Variants in EFHC2 observed in about 807,000 individuals in gnomAD.
EFHC2 encodes the protein EF-hand domain containing 2.
A neutral mutation model predicts 52.7 loss-of-function variants in EFHC2; 18 were observed. That is an observed-to-expected ratio of 0.34 (90% confidence interval 0.24 to 0.51). The LOEUF is 0.51. Ranked by LOEUF, EFHC2 falls within the 20% of genes least tolerant of loss-of-function variation. EFHC2 has a pLI of 0.97. For synonymous variants in EFHC2, 203 were observed against 204.1 expected (o/e 0.99, Z 0.04); for missense variants, 513 against 562.5 (o/e 0.91, Z 0.89).
chrX:44,320,086 G>A (rs1157910082), intron 1 of EFHC2, among the ~76,000 whole-genome samples: 1 of 111,437 alleles, frequency 9.0e-6, no homozygotes, highest in African/African-American at 3.3e-5. Flanking sequence ...GGGATTACAG[G>A]TGCATACCAC....
At chrX:44,272,382 G>A (rs756890934) in intron 3 of EFHC2, among the ~76,000 whole-genome samples, 3 of 111,921 alleles carry the variant, frequency 2.7e-5, no homozygotes, top group African/African-American at 6.5e-5. Context: ...ACGGCAAGGC[G>A]ACCAAAGGGT....
At chrX:44,285,254 A>T (rs1055911706) in intron 2 of EFHC2, 1 of 112,004 alleles carries the variant, frequency 8.9e-6, no homozygotes, top group African/African-American at 3.2e-5. Context: ...CTCCGAAAAC[A>T]CATCCAGAGA....
In EFHC2 at chrX:44,303,068, TG is replaced by T. The variant is rs754114570; in HGVS notation, c.231+9499del. On this transcript the variant is annotated intron_variant, in intron 2 of 14. Coordinates refer to ENST00000420999, the MANE Select transcript of EFHC2 (RefSeq NM_025184.4). ...GAAAATTAAAAATTCTAGCTAGTAC[TG>T]GGTAAGAAAGAGAAAAGTAGCCCCT... 4.4e-3 allele frequency among the ~76,000 whole-genome samples: 489 copies of T among 111,467 alleles called. 2 individuals are homozygous for T. The highest frequency in any genetic ancestry group is 7.0e-3 in the Non-Finnish European group (374 of 53,067).
In EFHC2 at chrX:44,148,739, TA is replaced by T. The variant is rs1036098081; in HGVS notation, c.*55del. 3 of 988,529 alleles carry T rather than the reference TA, an allele frequency of 3.0e-6. No individual in the cohort carries two copies. The African/African-American group carries it at 5.9e-5, about 19-fold the overall frequency. The allele number at this position is 988,529 out of a possible 1,213,427, so 81.5% of individuals were successfully genotyped here. ...TTTAATGAAATTATATCTACTAAAG[TA>T]AATGTGGCAAAATGAGAGAAGTAAA... On this transcript the variant is annotated 3_prime_UTR_variant, in exon 15 of 15. Coordinates refer to ENST00000420999, the MANE Select transcript of EFHC2 (RefSeq NM_025184.4).
intron 1 of EFHC2, among the ~76,000 whole-genome samples, chrX:44,332,368 C>G (rs1186441701): frequency 9.0e-6 from 1 of 110,734 alleles, no homozygotes; most frequent in Non-Finnish European, 1.9e-5. Context: ...TTGACCATTC[C>G]CTCCTTTGGG....
At chrX:44,222,632 T>C (rs969585937) in intron 11 of EFHC2, among the ~76,000 whole-genome samples, 2 of 111,707 alleles carry the variant, frequency 1.8e-5, no homozygotes, top group African/African-American at 6.5e-5. Flanking sequence ...GTAGGTGCTT[T>C]GTCCCTGTTG....
chrX:44,157,580 C>A (rs1428974050), intron 14 of EFHC2, among the ~76,000 whole-genome samples: 1 of 110,503 alleles, frequency 9.0e-6, no homozygotes, highest in Admixed American at 9.7e-5. Flanking sequence ...TCCCTTCATC[C>A]TGTTCCCTCC....
chrX:44,164,065 TGCAGAATTC>T (rs1232505103), intron 13 of EFHC2, 38 bp from the exon 14 acceptor site: 1 of 919,567 alleles, frequency 1.1e-6, no homozygotes, highest in African/African-American at 2.0e-5. Flanking sequence ...TGACTCAATC[TGCAGAATTC>T]AAGACCAAAA....
At chrX:44,183,917 A>T (rs904549453) in intron 11 of EFHC2, among the ~76,000 whole-genome samples, 11 of 112,558 alleles carry the variant, frequency 9.8e-5, no homozygotes, top group Non-Finnish European at 1.9e-4. Context: ...ATTGACTTGT[A>T]TTAAAATTCT....
intron 14 of EFHC2, among the ~76,000 whole-genome samples, 198 bp from the exon 15 acceptor site, chrX:44,149,094 CAT>C (rs1480534640): frequency 2.9e-4 from 32 of 112,231 alleles, no homozygotes; most frequent in Non-Finnish European, 5.8e-4. Flanking sequence ...CACTCTTTGT[CAT>C]ATGACTCTGT....
chrX:44,279,992 GCCC>G (rs1414014457), intron 2 of EFHC2, among the ~76,000 whole-genome samples: 2 of 97,975 alleles, frequency 2.0e-5, no homozygotes, highest in Non-Finnish European at 4.0e-5. Flanking sequence ...TCCACCACCA[GCCC>G]CCCAACCCCC....
chrX:44,171,872 GGAGAGACA>G (rs980461402), intron 13 of EFHC2, among the ~76,000 whole-genome samples: 4 of 111,082 alleles, frequency 3.6e-5, no homozygotes, highest in African/African-American at 1.3e-4. Flanking sequence ...GAGGAAAAAG[GGAGAGACA>G]GAGAGACAGA....
chrX:44,313,318 G>A (rs73483084), intron 1 of EFHC2, among the ~76,000 whole-genome samples: 2,447 of 111,678 alleles, frequency 0.022, 64 homozygotes, highest in African/African-American at 0.074. Context: ...TCTGGAGAGA[G>A]AGGAGAAAGC....
chrX:44,314,625 TACAC>T (rs775962900), intron 1 of EFHC2, among the ~76,000 whole-genome samples: 1 of 110,122 alleles, frequency 9.1e-6, no homozygotes, highest in Non-Finnish European at 1.9e-5. Flanking sequence ...CTCTCACACA[TACAC>T]ACACACACAC....
chrX:44,246,782 C>G (rs1278158596), intron 7 of EFHC2, among the ~76,000 whole-genome samples: 3 of 111,964 alleles, frequency 2.7e-5, no homozygotes, highest in African/African-American at 9.7e-5. Flanking sequence ...ACCAAGCTGA[C>G]AGACAAACAT....
chrX:44,189,481 C>T (rs1041575020), intron 11 of EFHC2, among the ~76,000 whole-genome samples: 1 of 112,126 alleles, frequency 8.9e-6, no homozygotes, highest in African/African-American at 3.2e-5. Flanking sequence ...GCAGGCGGGG[C>T]CCACTCATGA....
At chrX:44,253,419 C>T (rs1214087112) in intron 4 of EFHC2, among the ~76,000 whole-genome samples, 4 of 111,010 alleles carry the variant, frequency 3.6e-5, no homozygotes, top group Admixed American at 9.5e-5. Flanking sequence ...CGATCTGGGA[C>T]GCTGGAGCTT....
At chrX:44,182,739 T>A (rs780357175) in intron 11 of EFHC2, among the ~76,000 whole-genome samples, 28 of 112,389 alleles carry the variant, frequency 2.5e-4, no homozygotes, top group South Asian at 2.2e-3. Context: ...CTGTGATTAT[T>A]ATTACTAATC....
intron 11 of EFHC2, among the ~76,000 whole-genome samples, chrX:44,222,301 G>A (rs2037199970): frequency 9.0e-6 from 1 of 111,470 alleles, no homozygotes; most frequent in African/African-American, 3.3e-5. Context: ...TCTATCTAAG[G>A]AGGGCAAGTG....
Sources: allele counts gnomAD v4.1 joint callset (sites outside exome capture counted in the v4.1 genomes callset), GRCh38; gene constraint gnomAD v4.1.1; transcripts MANE v1.5; gene names NCBI Gene and HGNC (gene_info 2026-07-23, HGNC 2026-07-21).